C7orf78: variants seen among roughly 807,000 people sequenced by gnomAD.
C7orf78 encodes putative uncharacterized protein C7orf78.
At chr7:12,506,760 T>G in the C7orf78 span, 17 of 314,972 alleles carry the variant, frequency 5.4e-5, no homozygotes, top group East Asian at 1.6e-3. Flanking sequence ...CTGCACATTG[T>G]GCACATGTAC....
chr7:12,503,318 G>T, the C7orf78 span, among the ~76,000 whole-genome samples: 44 of 152,088 alleles, frequency 2.9e-4, no homozygotes, highest in Non-Finnish European at 5.4e-4. Context: ...TTGAATTGTG[G>T]ATATTCAATA....
chr7:12,505,511 A>G, the C7orf78 span, among the ~76,000 whole-genome samples: 1 of 152,176 alleles, frequency 6.6e-6, no homozygotes, highest in Non-Finnish European at 1.5e-5. Context: ...CATTGGAGGC[A>G]GCATTTAAAC....
At chr7:12,524,977 G>A in the C7orf78 span, among the ~76,000 whole-genome samples, 2 of 152,102 alleles carry the variant, frequency 1.3e-5, no homozygotes, top group Non-Finnish European at 2.9e-5. Flanking sequence ...TATAAATTGT[G>A]TAACCACCAG....
chr7:12,510,151 A>G, the C7orf78 span, among the ~76,000 whole-genome samples: 6 of 131,968 alleles, frequency 4.5e-5, no homozygotes, highest in Non-Finnish European at 9.5e-5. Context: ...ATACAGCTTG[A>G]TTTTATATCT....
the C7orf78 span, among the ~76,000 whole-genome samples, chr7:12,533,611 G>C: frequency 2.0e-5 from 3 of 151,004 alleles, no homozygotes; most frequent in Admixed American, 2.0e-4. Flanking sequence ...CCACCTCCCG[G>C]GTTCACACCA....
the C7orf78 span, among the ~76,000 whole-genome samples, chr7:12,536,724 A>G: frequency 6.6e-6 from 1 of 152,150 alleles, no homozygotes; most frequent in Non-Finnish European, 1.5e-5. Context: ...TCACGTCTTA[A>G]ATGCTTGGCT....
At chr7:12,497,058 G>C in the C7orf78 span, among the ~76,000 whole-genome samples, 1 of 152,320 alleles carries the variant, frequency 6.6e-6, no homozygotes, top group East Asian at 1.9e-4. Context: ...TCCAGCCATT[G>C]TGGATCTTTG....
At chr7:12,525,675 T>A in the C7orf78 span, 1 of 378,198 alleles carries the variant, frequency 2.6e-6, no homozygotes, top group African/African-American at 2.1e-5. Flanking sequence ...AAACAAGTTT[T>A]AAATGCTACA....
At chr7:12,484,679 T>C in the C7orf78 span, among the ~76,000 whole-genome samples, 2 of 152,342 alleles carry the variant, frequency 1.3e-5, no homozygotes, top group African/African-American at 2.4e-5. Flanking sequence ...TGGCATGTCA[T>C]ACATCTGGAG....
the C7orf78 span, among the ~76,000 whole-genome samples, chr7:12,529,377 C>T: frequency 1.3e-5 from 2 of 150,070 alleles, no homozygotes; most frequent in African/African-American, 5.0e-5. Context: ...AAGCCTTTTT[C>T]ATTATTTATA....
At chr7:12,528,851 A>T in the C7orf78 span, 1 of 397,896 alleles carries the variant, frequency 2.5e-6, no homozygotes, top group Non-Finnish European at 4.4e-6. Flanking sequence ...AGACATCATG[A>T]ACAAAGACAC....
the C7orf78 span, among the ~76,000 whole-genome samples, chr7:12,515,489 T>C: frequency 4.6e-5 from 7 of 152,238 alleles, no homozygotes; most frequent in East Asian, 1.4e-3. Flanking sequence ...ATACACTAAA[T>C]TGGTATCAGA....
the C7orf78 span, among the ~76,000 whole-genome samples, chr7:12,522,366 C>T: frequency 1.3e-5 from 2 of 152,072 alleles, no homozygotes; most frequent in Non-Finnish European, 2.9e-5. Flanking sequence ...TTCCATGTCA[C>T]TGGTTAGCTG....
At chr7:12,496,553 C>T in the C7orf78 span, 2 of 152,180 alleles carry the variant, frequency 1.3e-5, no homozygotes, top group African/African-American at 4.8e-5. Context: ...GCTTCAGAGA[C>T]CTTCCTCTCA....
the C7orf78 span, among the ~76,000 whole-genome samples, chr7:12,512,339 T>G: frequency 6.6e-6 from 1 of 152,150 alleles, no homozygotes; most frequent in South Asian, 2.1e-4. Flanking sequence ...ATATATGGCT[T>G]TTATTATATT....
chr7:12,497,293 C>G, the C7orf78 span, among the ~76,000 whole-genome samples: 2 of 152,192 alleles, frequency 1.3e-5, no homozygotes, highest in African/African-American at 4.8e-5. Context: ...CGGGTGATTT[C>G]TGCATTTCCA....
At chr7:12,528,757 A>G in the C7orf78 span, 2 of 391,520 alleles carry the variant, frequency 5.1e-6, no homozygotes, top group Non-Finnish European at 9.0e-6. Flanking sequence ...AAGAATAAGA[A>G]AAGTTTTGTT....
At chr7:12,496,484 G>A in the C7orf78 span, 4 of 148,948 alleles carry the variant, frequency 2.7e-5, no homozygotes, top group South Asian at 2.1e-4. Context: ...GTACTCTACT[G>A]TCATCAAGGG....
the C7orf78 span, among the ~76,000 whole-genome samples, chr7:12,488,382 G>GC: frequency 1.3e-5 from 2 of 151,964 alleles, no homozygotes; most frequent in Non-Finnish European, 2.9e-5. Context: ...CATGGCAAAT[G>GC]CAAAACAGTC....
Sources: gnomAD v4.1 joint callset for allele counts (sites outside exome capture counted in the v4.1 genomes callset) on GRCh38, gnomAD v4.1.1 for gene constraint, MANE v1.5 for transcripts, NCBI Gene and HGNC (gene_info 2026-07-23, HGNC 2026-07-21) for gene names.